CPN1: variants seen among roughly 807,000 people sequenced by gnomAD.
CPN1 encodes carboxypeptidase N catalytic chain.
In CPN1, 37 loss-of-function variants were observed where a neutral mutation model predicts 46.4. The ratio of observed to expected loss-of-function variants is 0.80; its 90% CI spans 0.61 to 1.05. CPN1 has a LOEUF of 1.05. CPN1 is among the 50% of genes least tolerant of loss of function. The probability of loss-of-function intolerance (pLI) is 0.00; values close to 1 mark genes in which losing one functional copy is unlikely to be tolerated. For synonymous variants in CPN1, 224 were observed against 235.4 expected, an observed-to-expected ratio of 0.95 and a Z score of 0.44; for missense variants, 563 against 602.6, an observed-to-expected ratio of 0.93 and a Z score of 0.69.
intron 8 of CPN1, among the ~76,000 whole-genome samples, chr10:100,044,007 A>C (rs1383237247): frequency 6.6e-6 from 1 of 151,586 alleles, no homozygotes; most frequent in Non-Finnish European, 1.5e-5. Context: ...TCCTAACCAC[A>C]CTCCTCTGGG....
At position 100,081,567 on chromosome 10, in the gene CPN1, G is replaced by A. The variant is rs370527794; in HGVS notation, c.59C>T (p.Pro20Leu). 3.1e-6 allele frequency: 5 copies of A among 1,614,104 alleles called. No homozygotes were observed. Among genetic ancestry groups the A allele is most frequent in the South Asian group, 2.2e-5 (2 of 91,068 alleles). ...HLLLLFKLVA[P>L]VTFRHHRYDD... Reference sequence around the variant, plus strand: ...ATAGCGGTGGTGGCGAAAGGTCACCGGGGCAACCAACTTGAAGAGAAGGAG... The same window carrying A: ...ATAGCGGTGGTGGCGAAAGGTCACCAGGGCAACCAACTTGAAGAGAAGGAG... Residue 20 changes from proline (P) to leucine (L), a missense_variant, in exon 1 of 9, where the codon CCG (proline) becomes CTG (leucine). Pro to Leu is a moderately conservative substitution (Grantham distance 98). Coordinates refer to ENST00000370418, the MANE Select transcript of CPN1 (RefSeq NM_001308.3).
intron 4 of CPN1, among the ~76,000 whole-genome samples, chr10:100,064,597 T>A (rs909489092): frequency 3.3e-5 from 5 of 151,814 alleles, no homozygotes; most frequent in Admixed American, 2.0e-4. Flanking sequence ...GGCAGGCTGG[T>A]CTCAAACTCC....
intron 1 of CPN1, among the ~76,000 whole-genome samples, chr10:100,078,870 G>A (rs1030204245): frequency 3.3e-5 from 5 of 152,132 alleles, no homozygotes; most frequent in Non-Finnish European, 7.3e-5. Context: ...CTGTTGCCTG[G>A]TGTCCCCATC....
chr10:100,072,408 C>T (rs765286042), intron 2 of CPN1, among the ~76,000 whole-genome samples: 3 of 152,122 alleles, frequency 2.0e-5, no homozygotes, highest in Non-Finnish European at 4.4e-5. Context: ...CTTCTAGGCT[C>T]AAGTGATCCA....
At chr10:100,057,185 AAC>A in intron 5 of CPN1, 33 bp from the exon 6 acceptor site, 1 of 1,611,378 alleles carries the variant, frequency 6.2e-7, no homozygotes, top group Non-Finnish European at 8.5e-7. Flanking sequence ...AGATTTCCAT[AAC>A]CAGGTTCCCA....
chr10:100,052,582 C>G (rs993412391), intron 7 of CPN1, among the ~76,000 whole-genome samples: 1 of 152,050 alleles, frequency 6.6e-6, no homozygotes, highest in African/African-American at 2.4e-5. Flanking sequence ...AGCATAAAAT[C>G]TAGCAAAAGC....
rs1054778413 is a variant in CPN1 at position 100,074,034 on chromosome 10, T to G, written c.420+1877A>C. On this transcript the variant is annotated intron_variant, in intron 2 of 8. Coordinates refer to ENST00000370418, the MANE Select transcript of CPN1 (RefSeq NM_001308.3). The stretch of plus-strand genomic sequence containing the variant: ...TCGTAATTGATTACACTGGGCCCCA[T>G]CCCCCCCCCACAATACTCCAGGTTA... 3.3e-5 allele frequency among the ~76,000 whole-genome samples: 5 copies of G among 150,312 alleles called. No homozygotes were observed. The East Asian group carries it at 5.9e-4, about 18-fold the overall frequency.
intron 8 of CPN1, among the ~76,000 whole-genome samples, chr10:100,047,208 A>G (rs993188895): frequency 2.6e-5 from 4 of 152,160 alleles, no homozygotes; most frequent in African/African-American, 4.8e-5. Context: ...TGAGGGACAG[A>G]GACACTCCCT....
intron 4 of CPN1, among the ~76,000 whole-genome samples, chr10:100,064,179 GT>G (rs199535882): frequency 0.012 from 1,842 of 152,124 alleles, 18 homozygotes; most frequent in Non-Finnish European, 0.019. Flanking sequence ...TATTTAGGGG[GT>G]GAGAGTCGTG....
chr10:100,048,875 A>C lies in CPN1; in HGVS notation c.1113T>G (p.Gly371=), dbSNP rs767386061. 3 of 1,609,068 alleles carry C rather than the reference A, an allele frequency of 1.9e-6. No individual in the cohort carries two copies. Among genetic ancestry groups the C allele is most frequent in the Non-Finnish European group, 2.6e-6 (3 of 1,175,604 alleles). The change falls in exon 8 of 9, where the codon GGT becomes GGG. Residue 371 remains glycine, a splice_region_variant and synonymous_variant. Coordinates refer to ENST00000370418, the MANE Select transcript of CPN1 (RefSeq NM_001308.3). The stretch of plus-strand genomic sequence containing the variant: ...GCAGCCGGAAGTAATCACCATGGTC[A>C]CCTGAAAGTCACAAAGATATAACTC... ...VSGINHDVTS[G]DHGDYFRLLL...
chr10:100,068,531 A>T (rs1373170726), intron 3 of CPN1, among the ~76,000 whole-genome samples: 1 of 151,450 alleles, frequency 6.6e-6, no homozygotes, highest in East Asian at 2.0e-4. Flanking sequence ...TAAGGGTTAG[A>T]TTCCTTGAAC....
rs368479939 is a variant in CPN1 at position 100,054,342 on chromosome 10, C to G, written c.1111+5G>C. ...CCTTCTTACCCCTAAGCAGTGACCA[C>G]CTACCTGAAGTGACATCATGGTTAA... On this transcript the variant is annotated splice_donor_5th_base_variant and intron_variant, in intron 7 of 8. Transcript: ENST00000370418. 1.2e-6 allele frequency: 2 copies of G among 1,611,270 alleles called. No individual in the cohort carries two copies. Among genetic ancestry groups the G allele is most frequent in the Non-Finnish European group, 1.7e-6 (2 of 1,177,620 alleles).
rs763408059 is a variant in CPN1, at chr10:100,075,969, G to C, written c.362C>G (p.Thr121Arg). Reference protein sequence around the residue: ...NQRIVQLIQDTRIHILPSMNP... With the variant: ...NQRIVQLIQDRRIHILPSMNP... ...CATGGATGGCAGGATGTGAATGCGC[G>C]TGTCCTGGATGAGCTGGACGATGCG... The change falls in exon 2 of 9, where the codon ACG becomes AGG. Residue 121 changes from threonine to arginine, a missense_variant. Physicochemically the swap from Thr to Arg is moderately conservative, Grantham distance 71. Transcript: ENST00000370418. The C allele has an allele frequency of 1.4e-5, 22 of 1,614,022 alleles. No homozygotes were observed. In the Admixed American group the frequency reaches 3.7e-4, roughly 27 times the overall value.
At chr10:100,045,624 G>A (rs1029726447) in intron 8 of CPN1, among the ~76,000 whole-genome samples, 2 of 152,204 alleles carry the variant, frequency 1.3e-5, no homozygotes, top group African/African-American at 4.8e-5. Context: ...GGGAGCCAGA[G>A]AGCCTGATAT....
At chr10:100,076,932 C>A (rs1255313255) in intron 1 of CPN1, among the ~76,000 whole-genome samples, 1 of 152,166 alleles carries the variant, frequency 6.6e-6, no homozygotes, top group Non-Finnish European at 1.5e-5. Flanking sequence ...TCTCTTGGGC[C>A]ATGTTAACTG....
At chr10:100,077,297 C>G (rs2041521148) in intron 1 of CPN1, among the ~76,000 whole-genome samples, 1 of 141,604 alleles carries the variant, frequency 7.1e-6, no homozygotes, top group African/African-American at 2.8e-5. Context: ...GTGGCAAAAT[C>G]CCAGTTCACT....
intron 7 of CPN1, among the ~76,000 whole-genome samples, 185 bp from the exon 8 acceptor site, chr10:100,049,061 C>T (rs541264274): frequency 6.6e-6 from 1 of 152,182 alleles, no homozygotes; most frequent in East Asian, 1.9e-4. Context: ...CAGGTTCAAG[C>T]AATTCTCCTG....
chr10:100,066,303 C>A (rs918254178), intron 3 of CPN1, among the ~76,000 whole-genome samples: 2 of 152,160 alleles, frequency 1.3e-5, no homozygotes, highest in Non-Finnish European at 2.9e-5. Flanking sequence ...GCTCAGAGCC[C>A]CAACTTGGCC....
chr10:100,044,193 C>T (rs542796942), intron 8 of CPN1, among the ~76,000 whole-genome samples: 3 of 152,182 alleles, frequency 2.0e-5, no homozygotes, highest in South Asian at 2.1e-4. Flanking sequence ...AGAATCAGAG[C>T]CAACTGTGCT....
Sources: allele counts gnomAD v4.1 joint callset (sites outside exome capture counted in the v4.1 genomes callset), GRCh38; gene constraint gnomAD v4.1.1; transcripts MANE v1.5; gene names NCBI Gene and HGNC (gene_info 2026-07-23, HGNC 2026-07-21).